Variants in ZDBF2 observed in about 807,000 individuals in gnomAD.
ZDBF2 encodes DBF4-type zinc finger-containing protein 2.
ZDBF2 carries 6 observed loss-of-function variants against 9.4 expected under a neutral mutation model. The ratio of observed to expected loss-of-function variants is 0.64; its 90% CI spans 0.35 to 1.27. ZDBF2 has a LOEUF of 1.27. ZDBF2 is among the 50% of genes most tolerant of loss of function. The pLI is 0.03. For missense variants in ZDBF2, 2,697 were observed against 2,766.8 expected, an observed-to-expected ratio of 0.97 and a Z score of 0.57; for synonymous variants, 905 against 946.3, an observed-to-expected ratio of 0.96 and a Z score of 0.80.
At chr2:206,286,758 T>C (rs1427640557) in intron 3 of ZDBF2, among the ~76,000 whole-genome samples, 1 of 152,170 alleles carries the variant, frequency 6.6e-6, no homozygotes, top group African/African-American at 2.4e-5. Context: ...TAGGTCATGA[T>C]TTTTAAAATC....
Position 206,308,685 on chromosome 2 carries a change from A to G in ZDBF2, c.4157A>G (p.Lys1386Arg), listed in dbSNP as rs779120258. Residue 1386 changes from lysine to arginine, a missense_variant, in exon 5 of 5, where the codon AAA (lysine) becomes AGA (arginine). Around this residue, in one of 3 missense-constraint regions of ZDBF2, gnomAD observed 1,783 missense variants for 1,776.5 expected, o/e 1.00. Coordinates refer to ENST00000374423, the MANE Select transcript of ZDBF2 (RefSeq NM_020923.3). ...AAADELQKPV[K>R]EINLWKEDHI... ...GCAGATGAGCTTCAAAAACCTGTCA[A>G]AGAAATAAATCTTTGGAAGGAAGAC... is the stretch of plus-strand genomic sequence containing the variant. The G allele has an allele frequency of 7.4e-6, 12 of 1,612,520 alleles. No individual in the cohort carries two copies. In the East Asian group the frequency reaches 1.3e-4, roughly 18 times the overall value.
In ZDBF2 at chr2:206,310,061, G is replaced by A. The variant is rs765517989; in HGVS notation, c.5533G>A (p.Ala1845Thr). The A allele has an allele frequency of 6.2e-7, 1 of 1,613,700 alleles. No homozygotes were observed. ...GAGAGAAGATGACATAAAAATTAAT[G>A]CTCTGGTGAAGGAGTTTAGGGAAGG... ...IMREDDIKIN[A>T]LVKEFREGRF... Residue 1845 changes from alanine (A) to threonine (T), a missense_variant, in exon 5 of 5, where the codon GCT becomes ACT. Around this residue, in one of 3 missense-constraint regions of ZDBF2, gnomAD observed 1,783 missense variants for 1,776.5 expected, o/e 1.00. Coordinates refer to ENST00000374423, the MANE Select transcript of ZDBF2 (RefSeq NM_020923.3).
At chr2:206,297,398 T>C in intron 4 of ZDBF2, 25 bp downstream of exon 4, 2 of 1,599,496 alleles carry the variant, frequency 1.3e-6, no homozygotes, top group Non-Finnish European at 1.7e-6. Context: ...TGGAATAATA[T>C]TTATACGTAG....
In ZDBF2 at chr2:206,308,362, C is replaced by T; in HGVS notation, c.3834C>T (p.Val1278=). ...ATGTTGACTTGGAAAATAAGATTGTCAAACCTACAGATTCCAGAATAAATT... is the reference window on the plus strand; with the variant it reads ...ATGTTGACTTGGAAAATAAGATTGTTAAACCTACAGATTCCAGAATAAATT... ...KEHVDLENKI[V]KPTDSRINFD... The change falls in exon 5 of 5, where the codon GTC becomes GTT. Residue 1278 remains valine, a synonymous_variant. Transcript: ENST00000374423. The T allele has an allele frequency of 6.2e-7, 1 of 1,612,920 alleles. No individual in the cohort carries two copies. The highest frequency in any genetic ancestry group is 8.5e-7 in the Non-Finnish European group (1 of 1,179,608).
In ZDBF2 at chr2:206,309,333, A is replaced by C; in HGVS notation, c.4805A>C (p.Lys1602Thr). The C allele has an allele frequency of 6.2e-7, 1 of 1,612,860 alleles. No homozygotes were observed. The highest frequency in any genetic ancestry group is 8.5e-7 in the Non-Finnish European group (1 of 1,179,468). Reference protein sequence around the residue: ...SMTNQCKETFKIINRKKDYII... With the variant: ...SMTNQCKETFTIINRKKDYII... ...ACAAACCAATGCAAAGAGACTTTCA[A>C]AATAATAAACCGGAAGAAGGACTAT... The change falls in exon 5 of 5, where the codon AAA (lysine) becomes ACA (threonine). Residue 1602 changes from lysine to threonine, a missense_variant. This residue lies in a region of ZDBF2 where 1,783 missense variants were observed against 1,776.5 expected (regional missense o/e 1.00). Transcript: ENST00000374423.
In ZDBF2 at chr2:206,309,404, A is replaced by C; in HGVS notation, c.4876A>C (p.Asn1626His). Residue 1626 changes from asparagine to histidine, a missense_variant, in exon 5 of 5, where the codon AAT (asparagine) becomes CAT (histidine). Transcript: ENST00000374423. The stretch of plus-strand genomic sequence containing the variant: ...TTGTCAATCTTGTGGTTCTGAAATG[A>C]ATTTTAATGTTGATGCCTCTGATCA... ...PSCQSCGSEM[N>H]FNVDASDQSM... 1 of 1,613,832 alleles carries C rather than the reference A, an allele frequency of 6.2e-7. No homozygotes were observed. The highest frequency in any genetic ancestry group is 8.5e-7 in the Non-Finnish European group (1 of 1,179,838).
At position 206,307,797 on chromosome 2, in the gene ZDBF2, C is replaced by T. The variant is rs199916841; in HGVS notation, c.3269C>T (p.Ala1090Val). ...ITFDSEQLQE[A>V]VKKIDQWKEE... is the part of the protein sequence containing the mutation. ...TTTGATTCTGAACAACTTCAGGAAGCGGTTAAAAAAATAGACCAATGGAAG... is the reference window on the plus strand; with the variant it reads ...TTTGATTCTGAACAACTTCAGGAAGTGGTTAAAAAAATAGACCAATGGAAG... The change falls in exon 5 of 5, where the codon GCG (alanine) becomes GTG (valine). Residue 1090 changes from alanine (A) to valine (V), a missense_variant. Physicochemically the swap from Ala to Val is moderately conservative, Grantham distance 64. Transcript: ENST00000374423. 593 of 1,609,400 alleles carry T rather than the reference C, an allele frequency of 3.7e-4. 2 individuals are homozygous for T. Among genetic ancestry groups the T allele is most frequent in the Middle Eastern group, 8.3e-4 (5 of 6,024 alleles).
At chr2:206,292,641 C>T (rs1691955302) in intron 3 of ZDBF2, among the ~76,000 whole-genome samples, 4 of 151,848 alleles carry the variant, frequency 2.6e-5, no homozygotes, top group Admixed American at 1.3e-4. Context: ...AAAAAGATAT[C>T]TAGATAAACC....
chr2:206,285,113 G>A (rs1468930678), intron 3 of ZDBF2, among the ~76,000 whole-genome samples: 2 of 152,100 alleles, frequency 1.3e-5, no homozygotes, highest in East Asian at 1.9e-4. Context: ...ATAAACATGG[G>A]GATGCAGATA....
In ZDBF2 at chr2:206,309,831, A is replaced by C. The variant is rs1693055991; in HGVS notation, c.5303A>C (p.Lys1768Thr). ...SDTDQPQETVKKRHPCKKVSS... is the reference protein window; with the variant it reads ...SDTDQPQETVTKRHPCKKVSS... ...ACTGATCAGCCTCAAGAAACTGTTA[A>C]GAAAAGACACCCTTGTAAGAAGGTA... Residue 1768 changes from lysine (K) to threonine (T), a missense_variant, in exon 5 of 5, where the codon AAG becomes ACG. Physicochemically the swap from Lys to Thr is moderately conservative, Grantham distance 78. Coordinates refer to ENST00000374423, the MANE Select transcript of ZDBF2 (RefSeq NM_020923.3). 6.2e-7 allele frequency: 1 copy of C among 1,613,876 alleles called. No homozygotes were observed. Among genetic ancestry groups the C allele is most frequent in the Non-Finnish European group, 8.5e-7 (1 of 1,179,864 alleles).
chr2:206,276,424 A>G (rs1363440900), intron 1 of ZDBF2, among the ~76,000 whole-genome samples: 2 of 152,250 alleles, frequency 1.3e-5, no homozygotes, highest in African/African-American at 2.4e-5. Flanking sequence ...AGGTACTGTC[A>G]GCACTCAAAT....
intron 4 of ZDBF2, among the ~76,000 whole-genome samples, chr2:206,303,352 T>C (rs1006350551): frequency 2.0e-5 from 3 of 152,108 alleles, no homozygotes; most frequent in African/African-American, 7.2e-5. Context: ...TTAACTTTTT[T>C]TGAATTTGCC....
In ZDBF2 at chr2:206,305,299, A is replaced by G. The variant is rs1692718336; in HGVS notation, c.771A>G (p.Ser257=). Residue 257 remains serine, a synonymous_variant, in exon 5 of 5, where the codon TCA becomes TCG. Transcript: ENST00000374423. ...TSFSYQKHKE[S]NRKSLRMNSD... is the part of the protein sequence containing the mutation. ...TTTCGTATCAGAAACATAAAGAATC[A>G]AATAGGAAATCTTTACGCATGAATT... 1 of 1,612,672 alleles carries G rather than the reference A, an allele frequency of 6.2e-7. No homozygotes were observed. Among genetic ancestry groups the G allele is most frequent in the Admixed American group, 1.7e-5 (1 of 59,712 alleles).
At position 206,297,275 on chromosome 2, in the gene ZDBF2, G is replaced by C. The variant is rs768336264; in HGVS notation, c.90G>C (p.Leu30Phe). The C allele has an allele frequency of 3.9e-6, 6 of 1,535,224 alleles. No homozygotes were observed. In the South Asian group the frequency reaches 6.7e-5, roughly 17 times the overall value. Residue 30 changes from leucine to phenylalanine, a missense_variant, in exon 4 of 5, where the codon TTG becomes TTC. Leu to Phe is a conservative substitution (Grantham distance 22). Around this residue, in one of 3 missense-constraint regions of ZDBF2, gnomAD observed 910 missense variants for 973.6 expected, o/e 0.93. Coordinates refer to ENST00000374423, the MANE Select transcript of ZDBF2 (RefSeq NM_020923.3). ...QHLFSAQHRS[L>F]TRQSRRQICT... Reference sequence around the variant, plus strand: ...TGTTCAGTGCTCAGCACAGGAGTTTGACCAGACAGAGTAGACGTCAAATAT... The same window carrying C: ...TGTTCAGTGCTCAGCACAGGAGTTTCACCAGACAGAGTAGACGTCAAATAT...
intron 2 of ZDBF2, among the ~76,000 whole-genome samples, chr2:206,280,544 C>G (rs1028140654): frequency 5.3e-5 from 8 of 152,018 alleles, no homozygotes; most frequent in Admixed American, 5.2e-4. Context: ...TGTTTTATTG[C>G]TGTAGGTTAA....
At chr2:206,276,767 A>G (rs1479249286) in intron 1 of ZDBF2, among the ~76,000 whole-genome samples, 2 of 152,230 alleles carry the variant, frequency 1.3e-5, no homozygotes, top group Admixed American at 6.5e-5. Flanking sequence ...TTTAGATGAG[A>G]TAATGCACAG....
chr2:206,310,146 A>T lies in ZDBF2; in HGVS notation c.5618A>T (p.Lys1873Ile). 6.2e-7 allele frequency: 1 copy of T among 1,613,342 alleles called. No individual in the cohort carries two copies. Among genetic ancestry groups the T allele is most frequent in the Non-Finnish European group, 8.5e-7 (1 of 1,179,696 alleles). The change falls in exon 5 of 5, where the codon AAA (lysine) becomes ATA (isoleucine). Residue 1873 changes from lysine to isoleucine, a missense_variant. By Grantham distance (102) the Lys-to-Ile change is moderately radical. Coordinates refer to ENST00000374423, the MANE Select transcript of ZDBF2 (RefSeq NM_020923.3). ...ACCAAAAAAGTTTCTTCGAAGGGGA[A>T]AAAAAAGGTTACCTGGGCTGACTTG... ...CETKKVSSKG[K>I]KKVTWADLQG...
At position 206,305,353 on chromosome 2, in the gene ZDBF2, A is replaced by G. The variant is rs1692722416; in HGVS notation, c.825A>G (p.Val275=). The G allele has an allele frequency of 6.2e-7, 1 of 1,612,778 alleles. No individual in the cohort carries two copies. Among genetic ancestry groups the G allele is most frequent in the Non-Finnish European group, 8.5e-7 (1 of 1,179,290 alleles). Residue 275 remains valine, a synonymous_variant, in exon 5 of 5, where the codon GTA becomes GTG. Transcript: ENST00000374423. Reference sequence around the variant, plus strand: ...ATAAGTTGGTTTTGTGGAAAGATGTAAAATCTCAGGGTAAAACTTTATCAG... The same window carrying G: ...ATAAGTTGGTTTTGTGGAAAGATGTGAAATCTCAGGGTAAAACTTTATCAG... ...NSDKLVLWKD[V]KSQGKTLSAG... is the part of the protein sequence containing the mutation.
rs1259670845 is a variant in ZDBF2 at position 206,311,319 on chromosome 2, G to A, written c.6791G>A (p.Arg2264Lys). ...GTCAGTAGGCTAAAGAAGGCGAAGAGAACAGCTAAAGTGCTTTTGAACTCT... is the reference window on the plus strand; with the variant it reads ...GTCAGTAGGCTAAAGAAGGCGAAGAAAACAGCTAAAGTGCTTTTGAACTCT... ...SVVSRLKKAK[R>K]TAKVLLNSSV... Residue 2264 changes from arginine to lysine, a missense_variant, in exon 5 of 5, where the codon AGA becomes AAA. Arg to Lys is a conservative substitution (Grantham distance 26). Around this residue, in one of 3 missense-constraint regions of ZDBF2, gnomAD observed 1,783 missense variants for 1,776.5 expected, o/e 1.00. Coordinates refer to ENST00000374423, the MANE Select transcript of ZDBF2 (RefSeq NM_020923.3). 1 of 1,604,970 alleles carries A rather than the reference G, an allele frequency of 6.2e-7. No homozygotes were observed. The highest frequency in any genetic ancestry group is 1.7e-5 in the Admixed American group (1 of 58,390).
Sources: allele counts gnomAD v4.1 joint callset (sites outside exome capture counted in the v4.1 genomes callset), GRCh38; gene constraint gnomAD v4.1.1; regional missense constraint gnomAD v4.1.1; transcripts MANE v1.5; gene names NCBI Gene and HGNC (gene_info 2026-07-23, HGNC 2026-07-21).